AGBL4: variants seen among roughly 807,000 people sequenced by gnomAD.
The protein encoded by AGBL4 is cytosolic carboxypeptidase 6.
AGBL4 carries 58 observed loss-of-function variants against 66.4 expected under a neutral mutation model. That is an observed-to-expected ratio of 0.87 (90% CI 0.71 to 1.09). The LOEUF is 1.09. Ranked by LOEUF, AGBL4 falls within the 50% of genes least tolerant of loss-of-function variation. AGBL4 has a pLI of 0.00. For synonymous variants in AGBL4, 234 were observed against 222.9 expected (o/e 1.05, Z -0.44); for missense variants, 579 against 631.0 (o/e 0.92, Z 0.88).
intron 4 of AGBL4, among the ~76,000 whole-genome samples, chr1:49,231,086 C>G (rs2148296661): frequency 6.6e-6 from 1 of 152,266 alleles, no homozygotes; most frequent in Middle Eastern, 3.4e-3. Context: ...GTAAATTGAA[C>G]AGTAATTCTT....
intron 3 of AGBL4, among the ~76,000 whole-genome samples, chr1:49,437,274 T>A (rs1645924811): frequency 6.6e-6 from 1 of 152,202 alleles, no homozygotes; most frequent in Non-Finnish European, 1.5e-5. Flanking sequence ...ATCTTCAAGG[T>A]AGGTATTATT....
intron 9 of AGBL4, among the ~76,000 whole-genome samples, chr1:48,632,723 T>C (rs368745430): frequency 6.6e-6 from 1 of 152,388 alleles, no homozygotes; most frequent in East Asian, 1.9e-4. Context: ...CATGCAGTTA[T>C]TGAATATCTA....
chr1:48,562,334 A>G (rs940722871), intron 11 of AGBL4, among the ~76,000 whole-genome samples: 1 of 152,214 alleles, frequency 6.6e-6, no homozygotes, highest in Non-Finnish European at 1.5e-5. Context: ...ATTTCAGAGC[A>G]GTGAGGTGCC....
chr1:49,199,811 A>G (rs531170162), intron 4 of AGBL4, among the ~76,000 whole-genome samples: 1 of 152,150 alleles, frequency 6.6e-6, no homozygotes, highest in Admixed American at 6.6e-5. Flanking sequence ...AAACTCCTAC[A>G]TCCAGTGTTG....
intron 2 of AGBL4, among the ~76,000 whole-genome samples, chr1:49,728,493 C>G (rs1339799705): frequency 1.3e-5 from 2 of 152,068 alleles, no homozygotes; most frequent in African/African-American, 2.4e-5. Context: ...GCTATTGTTC[C>G]CAGAGGAAGT....
At position 48,937,777 on chromosome 1, in the gene AGBL4, T is replaced by C. The variant is rs541524098; in HGVS notation, c.595-70547A>G. On this transcript the variant is annotated intron_variant, in intron 5 of 13. Coordinates refer to ENST00000371839, the MANE Select transcript of AGBL4 (RefSeq NM_032785.4). ...AGACTCAAAAAGCAGGCAACTGCTA[T>C]AAAATTTTAACCATGTCTCTGGGGC... Among the ~76,000 whole-genome samples, 16 of 152,308 alleles carry C rather than the reference T, an allele frequency of 1.1e-4. No homozygotes were observed. In the East Asian group the frequency reaches 3.1e-3, roughly 29 times the overall value.
At chr1:49,237,199 C>G (rs1246871328) in intron 4 of AGBL4, among the ~76,000 whole-genome samples, 1 of 151,432 alleles carries the variant, frequency 6.6e-6, no homozygotes, top group African/African-American at 2.4e-5. Context: ...GGAGGTGGAG[C>G]TTGCAGTGAG....
chr1:48,591,768 C>A (rs1280587305), intron 9 of AGBL4, among the ~76,000 whole-genome samples: 1 of 152,170 alleles, frequency 6.6e-6, no homozygotes, highest in African/African-American at 2.4e-5. Flanking sequence ...AATGCCTTTG[C>A]AGTCTGTAAA....
intron 9 of AGBL4, among the ~76,000 whole-genome samples, chr1:48,597,167 T>G (rs1029037294): frequency 6.6e-6 from 1 of 152,172 alleles, no homozygotes; most frequent in African/African-American, 2.4e-5. Flanking sequence ...GGATAGCAGC[T>G]CCCTTCCCTG....
intron 3 of AGBL4, among the ~76,000 whole-genome samples, chr1:49,497,244 T>C (rs531294479): frequency 9.9e-5 from 15 of 152,080 alleles, no homozygotes; most frequent in Non-Finnish European, 2.2e-4. Flanking sequence ...GCTATTGAGT[T>C]CCTTACATAT....
intron 6 of AGBL4, among the ~76,000 whole-genome samples, chr1:48,771,676 C>T (rs1362860600): frequency 6.6e-6 from 1 of 152,186 alleles, no homozygotes; most frequent in East Asian, 1.9e-4. Context: ...GGCAGTTTCC[C>T]ACTGATGACA....
intron 11 of AGBL4, among the ~76,000 whole-genome samples, chr1:48,546,459 C>T (rs916393370): frequency 2.0e-5 from 3 of 152,152 alleles, no homozygotes; most frequent in Non-Finnish European, 4.4e-5. Flanking sequence ...GGTCTTAAAG[C>T]GGGTGGAAGA....
rs528153367 is a variant in AGBL4 at position 49,937,753 on chromosome 1, T to C, written c.34+86010A>G. Reference sequence around the variant, plus strand: ...TCCTGAATGACTACTGGGTACATAATGAAATGAAGGCAGAAATAAAGATGT... The same window carrying C: ...TCCTGAATGACTACTGGGTACATAACGAAATGAAGGCAGAAATAAAGATGT... On this transcript the variant is annotated intron_variant, in intron 1 of 13. Transcript: ENST00000371839. Among the ~76,000 whole-genome samples, 675 of 152,040 alleles carry C rather than the reference T, an allele frequency of 4.4e-3. 9 individuals carry two copies. The highest frequency in any genetic ancestry group is 0.015 in the African/African-American group (629 of 41,470).
rs149929227 is a variant in AGBL4, at chr1:49,526,995, T to C, written c.282+170318A>G. Among the ~76,000 whole-genome samples, 26 of 152,148 alleles carry C rather than the reference T, an allele frequency of 1.7e-4. 1 individual carries two copies. Among genetic ancestry groups the C allele is most frequent in the Non-Finnish European group, 3.1e-4 (21 of 68,016 alleles). Reference sequence around the variant, plus strand: ...ATTTGAAGAAAAAGCAAACATTAGGTTGATGATACTGTACTTAGAAATTAT... The same window carrying C: ...ATTTGAAGAAAAAGCAAACATTAGGCTGATGATACTGTACTTAGAAATTAT... On this transcript the variant is annotated intron_variant, in intron 3 of 13. Coordinates refer to ENST00000371839, the MANE Select transcript of AGBL4 (RefSeq NM_032785.4).
chr1:49,684,092 A>C, intron 3 of AGBL4, among the ~76,000 whole-genome samples: 1 of 152,208 alleles, frequency 6.6e-6, no homozygotes, highest in East Asian at 1.9e-4. Context: ...AGCCTCTGAC[A>C]GTTTATCTGG....
intron 6 of AGBL4, among the ~76,000 whole-genome samples, chr1:48,771,289 G>A (rs180916320): frequency 6.6e-6 from 1 of 152,316 alleles, no homozygotes; most frequent in African/African-American, 2.4e-5. Context: ...ACTAGAAAGA[G>A]AATTGGTCTT....
chr1:50,011,827 GA>G (rs1172605232), intron 1 of AGBL4, among the ~76,000 whole-genome samples: 1 of 152,176 alleles, frequency 6.6e-6, no homozygotes, highest in East Asian at 1.9e-4. Flanking sequence ...GTGGGATCTA[GA>G]GATCAAAATA....
intron 3 of AGBL4, among the ~76,000 whole-genome samples, chr1:49,305,695 C>T (rs1260329081): frequency 1.4e-5 from 2 of 146,154 alleles, no homozygotes; most frequent in African/African-American, 2.5e-5. Flanking sequence ...TTAATCATTC[C>T]TTTTTTTTTT....
intron 6 of AGBL4, among the ~76,000 whole-genome samples, chr1:48,792,761 T>C (rs142115271): frequency 2.1e-3 from 326 of 152,298 alleles, no homozygotes; most frequent in African/African-American, 7.5e-3. Context: ...AGCAGAAAAG[T>C]GTGAACTAGT....
Sources: allele counts gnomAD v4.1 joint callset (sites outside exome capture counted in the v4.1 genomes callset), GRCh38; gene constraint gnomAD v4.1.1; transcripts MANE v1.5; gene names NCBI Gene and HGNC (gene_info 2026-07-23, HGNC 2026-07-21).